The following GRAMD1B variants were observed in gnomAD, a reference collection of about 807,000 sequenced individuals.
The protein encoded by GRAMD1B is GRAM domain containing 1B.
In GRAMD1B, 37 loss-of-function variants were observed where a neutral mutation model predicts 99.7. The observed-to-expected ratio is 0.37, with a 90% CI of 0.29 to 0.49. GRAMD1B has a LOEUF of 0.49. Ranked by LOEUF, GRAMD1B falls within the 20% of genes least tolerant of loss-of-function variation. The pLI is 0.98. For synonymous variants in GRAMD1B, 427 were observed against 387.6 expected, an observed-to-expected ratio of 1.10 and a Z score of -1.19; for missense variants, 888 against 1,009.2, an observed-to-expected ratio of 0.88 and a Z score of 1.63.
chr11:123,410,288 G>C (rs1947998128), intron 1 of GRAMD1B, among the ~76,000 whole-genome samples: 1 of 152,080 alleles, frequency 6.6e-6, no homozygotes. Flanking sequence ...AAAAAAGTGT[G>C]TGTGTTGGGG....
chr11:123,571,848 C>T (rs1298715001), intron 2 of GRAMD1B, among the ~76,000 whole-genome samples: 1 of 152,116 alleles, frequency 6.6e-6, no homozygotes, highest in Non-Finnish European at 1.5e-5. Context: ...CCGTGCCCTC[C>T]TTGAACCCCG....
intron 1 of GRAMD1B, among the ~76,000 whole-genome samples, chr11:123,443,994 GT>G (rs1949526223): frequency 6.6e-6 from 1 of 152,154 alleles, no homozygotes; most frequent in African/African-American, 2.4e-5. Context: ...GGAGACCAAA[GT>G]TCTTATTATG....
intron 1 of GRAMD1B, among the ~76,000 whole-genome samples, chr11:123,364,833 C>A (rs1017373874): frequency 2.0e-4 from 27 of 138,144 alleles, no homozygotes; most frequent in African/African-American, 7.9e-4. Flanking sequence ...TCTTCAGGCT[C>A]CAGTTTTTCA....
intron 1 of GRAMD1B, among the ~76,000 whole-genome samples, chr11:123,362,570 A>G (rs576895902): frequency 2.2e-4 from 34 of 152,340 alleles, no homozygotes; most frequent in African/African-American, 7.9e-4. Context: ...ATACAAAAAC[A>G]CAAGACCAGT....
chr11:123,566,422 A>G (rs1215437230), intron 2 of GRAMD1B, among the ~76,000 whole-genome samples: 1 of 152,220 alleles, frequency 6.6e-6, no homozygotes. Flanking sequence ...CAGCTTTAGA[A>G]AGACATGTCT....
intron 2 of GRAMD1B, among the ~76,000 whole-genome samples, chr11:123,495,109 A>G (rs1008995921): frequency 1.8e-5 from 2 of 113,832 alleles, no homozygotes; most frequent in African/African-American, 4.5e-5. Context: ...ATATGTATAT[A>G]TACATACACA....
chr11:123,476,361 A>G (rs1421855901), intron 1 of GRAMD1B, among the ~76,000 whole-genome samples: 1 of 152,180 alleles, frequency 6.6e-6, no homozygotes, highest in African/African-American at 2.4e-5. Flanking sequence ...TCGGCTTCCT[A>G]AAGTGCTGGG....
At position 123,430,649 on chromosome 11, in the gene GRAMD1B, G is replaced by C. The variant is rs1443739277; in HGVS notation, c.-144G>C. 1.4e-5 allele frequency: 7 copies of C among 506,546 alleles called. No homozygotes were observed. The highest frequency in any genetic ancestry group is 2.1e-5 in the Non-Finnish European group (6 of 289,390). 31.4% of individuals were successfully genotyped at this position (506,546 alleles called of 1,614,324 possible). ...CCGCGTCCCCTCGCGTCCCTTCCTC[G>C]CTGCGCTCCGGGAAAGGAACTTGTT... On this transcript the variant is annotated 5_prime_UTR_variant, in exon 1 of 20. Coordinates refer to ENST00000635736, the MANE Select transcript of GRAMD1B (RefSeq NM_001387025.1).
At chr11:123,592,694 TTTG>T (rs766575682) in intron 4 of GRAMD1B, among the ~76,000 whole-genome samples, 10 of 152,108 alleles carry the variant, frequency 6.6e-5, no homozygotes, top group Non-Finnish European at 1.3e-4. Flanking sequence ...TTCTAAGTTT[TTTG>T]TTGTTGTCGT....
chr11:123,567,311 G>T (rs976401723), intron 2 of GRAMD1B, among the ~76,000 whole-genome samples: 1 of 152,172 alleles, frequency 6.6e-6, no homozygotes, highest in African/African-American at 2.4e-5. Context: ...CTTCTCTTAG[G>T]GGATATGAAC....
intron 2 of GRAMD1B, among the ~76,000 whole-genome samples, chr11:123,491,260 A>G (rs939280782): frequency 2.6e-5 from 4 of 152,214 alleles, no homozygotes; most frequent in Admixed American, 6.5e-5. Context: ...TGGGATAGGT[A>G]GCTTCCTAGT....
intron 1 of GRAMD1B, among the ~76,000 whole-genome samples, chr11:123,472,443 C>T (rs781413486): frequency 9.9e-5 from 15 of 152,026 alleles, no homozygotes; most frequent in Non-Finnish European, 1.9e-4. Context: ...TCGGCCTCCC[C>T]GGTGAAGCAG....
intron 1 of GRAMD1B, among the ~76,000 whole-genome samples, chr11:123,461,591 C>T (rs1411908614): frequency 6.6e-6 from 1 of 152,186 alleles, no homozygotes; most frequent in Admixed American, 6.5e-5. Context: ...TGAGACAGCT[C>T]TACTTTTTGT....
At chr11:123,394,482 T>C (rs1299758745) in intron 1 of GRAMD1B, among the ~76,000 whole-genome samples, 1 of 152,216 alleles carries the variant, frequency 6.6e-6, no homozygotes, top group Non-Finnish European at 1.5e-5. Context: ...TCCCAACACA[T>C]TGTGATGCTT....
chr11:123,544,825 A>T (rs954522467), intron 2 of GRAMD1B, among the ~76,000 whole-genome samples: 4 of 152,148 alleles, frequency 2.6e-5, no homozygotes, highest in Non-Finnish European at 5.9e-5. Context: ...GGCATTTCTG[A>T]CCTTTGTGTA....
intron 2 of GRAMD1B, among the ~76,000 whole-genome samples, chr11:123,504,950 A>G (rs1269608890): frequency 1.3e-5 from 2 of 152,056 alleles, no homozygotes; most frequent in Admixed American, 1.3e-4. Flanking sequence ...CCAAAGTGCT[A>G]GAATTACAGG....
At chr11:123,435,644 A>T (rs1419717060) in intron 1 of GRAMD1B, 6 of 496,458 alleles carry the variant, frequency 1.2e-5, no homozygotes. Flanking sequence ...TCTTACAGTG[A>T]TCTATAGATC....
intron 2 of GRAMD1B, among the ~76,000 whole-genome samples, chr11:123,502,698 C>T (rs1045378574): frequency 5.3e-5 from 8 of 150,864 alleles, no homozygotes; most frequent in Non-Finnish European, 1.0e-4. Context: ...TTGCTTGAAC[C>T]CGGGAGGCGG....
chr11:123,401,636 G>A (rs146525590), intron 1 of GRAMD1B, among the ~76,000 whole-genome samples: 2,565 of 152,334 alleles, frequency 0.017, 27 homozygotes, highest in Middle Eastern at 0.027. Context: ...GGGAAAGCCA[G>A]GTTTAATATT....
Sources: allele counts gnomAD v4.1 joint callset (sites outside exome capture counted in the v4.1 genomes callset), GRCh38; gene constraint gnomAD v4.1.1; transcripts MANE v1.5; gene names NCBI Gene and HGNC (gene_info 2026-07-23, HGNC 2026-07-21).